PSMA1: variants seen among roughly 807,000 people sequenced by gnomAD.
PSMA1 encodes the protein proteasome 20S subunit alpha 1.
A neutral mutation model predicts 38.4 loss-of-function variants in PSMA1; 3 were observed. The observed-to-expected ratio is 0.08, with a 90% CI of 0.04 to 0.20. The LOEUF is 0.20. PSMA1 is among the 10% of genes least tolerant of loss of function. PSMA1 has a pLI of 1.00. For missense variants in PSMA1, 227 were observed against 325.3 expected, an observed-to-expected ratio of 0.70 and a Z score of 2.32; for synonymous variants, 101 against 107.1, an observed-to-expected ratio of 0.94 and a Z score of 0.35.
intron 2 of PSMA1, among the ~76,000 whole-genome samples, chr11:14,576,438 T>C (rs1407911429): frequency 6.6e-6 from 1 of 152,246 alleles, no homozygotes. Context: ...CTTTAATCCA[T>C]CTTGAATTAA....
At chr11:14,511,803 C>G (rs1851348150) in intron 7 of PSMA1, among the ~76,000 whole-genome samples, 1 of 152,100 alleles carries the variant, frequency 6.6e-6, no homozygotes, top group Non-Finnish European at 1.5e-5. Flanking sequence ...GAGGTTCCAG[C>G]CACGGCAGTT....
At chr11:14,621,751 CTCTT>C (rs1852846398) in intron 1 of PSMA1, among the ~76,000 whole-genome samples, 1 of 152,160 alleles carries the variant, frequency 6.6e-6, no homozygotes, top group Non-Finnish European at 1.5e-5. Context: ...ATATTGCAGA[CTCTT>C]TCACTTTAAA....
Position 14,583,518 on chromosome 11 carries a change from T to A in PSMA1, c.21+27448A>T, listed in dbSNP as rs561007629. ...AATGCCATAAGCCACTCTCAGCACA[T>A]CCCCAAAGCTGCTGTTGACTCTTGG... On this transcript the variant is annotated intron_variant, in intron 2 of 10. Transcript: ENST00000418988. Among the ~76,000 whole-genome samples, 7 of 152,276 alleles carry A rather than the reference T, an allele frequency of 4.6e-5. No homozygotes were observed. In the East Asian group the frequency reaches 1.4e-3, roughly 29 times the overall value.
intron 2 of PSMA1, among the ~76,000 whole-genome samples, chr11:14,532,354 C>CA (rs1208683226): frequency 6.6e-6 from 1 of 152,130 alleles, no homozygotes; most frequent in East Asian, 1.9e-4. Flanking sequence ...CCTGTAATCC[C>CA]AGCACTTTGG....
intron 2 of PSMA1, among the ~76,000 whole-genome samples, chr11:14,596,794 G>C (rs1211107125): frequency 1.3e-5 from 2 of 152,182 alleles, no homozygotes; most frequent in Non-Finnish European, 2.9e-5. Context: ...GAATAGGAGT[G>C]GTGAGAGAGG....
intron 2 of PSMA1, among the ~76,000 whole-genome samples, chr11:14,590,154 G>A (rs1178355957): frequency 1.3e-5 from 2 of 152,200 alleles, no homozygotes; most frequent in African/African-American, 2.4e-5. Flanking sequence ...CAAACTGATA[G>A]AGAAAGTAGA....
At chr11:14,606,933 A>G (rs1397680840) in intron 2 of PSMA1, among the ~76,000 whole-genome samples, 1 of 152,222 alleles carries the variant, frequency 6.6e-6, no homozygotes, top group Non-Finnish European at 1.5e-5. Context: ...ACATAGCCCC[A>G]GGCATACAGA....
chr11:14,577,322 T>C lies in PSMA1; in HGVS notation c.21+33644A>G, dbSNP rs532169332. ...AAACAATTAAGTAATCTGCTCATGG[T>C]TGCGCTGCCATTAAGTAGTGAAGGC... On this transcript the variant is annotated intron_variant, in intron 2 of 10. Transcript: ENST00000418988. Among the ~76,000 whole-genome samples the C allele has an allele frequency of 8.2e-4, 125 of 152,318 alleles. 1 individual carries two copies. Among genetic ancestry groups the C allele is most frequent in the Admixed American group, 1.3e-3 (20 of 15,296 alleles).
chr11:14,511,115 T>A, intron 7 of PSMA1, 164 bp from the exon 8 acceptor site: 1 of 418,760 alleles, frequency 2.4e-6, no homozygotes, highest in Middle Eastern at 6.4e-4. Context: ...TTTAATAGCA[T>A]TCTATGACAT....
intron 2 of PSMA1, among the ~76,000 whole-genome samples, chr11:14,608,128 G>A (rs1852664968): frequency 6.6e-6 from 1 of 152,120 alleles, no homozygotes; most frequent in South Asian, 2.1e-4. Context: ...GAGGTGGAAG[G>A]ATCACTGAGG....
intron 2 of PSMA1, among the ~76,000 whole-genome samples, chr11:14,594,427 G>T (rs10766186): frequency 0.58 from 88,765 of 151,738 alleles, 26,210 homozygotes; most frequent in Middle Eastern, 0.67. Context: ...GAAGGGGGGG[G>T]TTCAGCTTTA....
At chr11:14,599,362 C>T (rs1200752592) in intron 2 of PSMA1, among the ~76,000 whole-genome samples, 1 of 152,216 alleles carries the variant, frequency 6.6e-6, no homozygotes, top group Non-Finnish European at 1.5e-5. Context: ...CTCCCCGTCA[C>T]TTTCAAGTAC....
chr11:14,622,424 G>T (rs1852858506), intron 1 of PSMA1, among the ~76,000 whole-genome samples: 1 of 152,184 alleles, frequency 6.6e-6, no homozygotes, highest in Non-Finnish European at 1.5e-5. Flanking sequence ...TTACATTGAT[G>T]ACATTATGCT....
rs1851854248 is a variant in PSMA1 at position 14,548,724 on chromosome 11, T to C, written c.22-29683A>G. On this transcript the variant is annotated intron_variant, in intron 2 of 10. Transcript: ENST00000418988. ...CACATACATCATGTGGATAGACATA[T>C]GTAACATAGGTAACCAAGAACATAA... is the stretch of plus-strand genomic sequence containing the variant. Among the ~76,000 whole-genome samples the C allele has an allele frequency of 2.0e-5, 3 of 152,336 alleles. No homozygotes were observed. The South Asian group carries it at 6.2e-4, about 32-fold the overall frequency.
At chr11:14,589,312 G>C (rs1429581071) in intron 2 of PSMA1, among the ~76,000 whole-genome samples, 1 of 151,312 alleles carries the variant, frequency 6.6e-6, no homozygotes, top group African/African-American at 2.4e-5. Context: ...GGTAGAATTT[G>C]AGGTGCATTA....
At chr11:14,611,125 A>T (rs910642625) in exon 2 of PSMA1, 1 of 743,914 alleles carries the variant, frequency 1.3e-6, no homozygotes. Flanking sequence ...CTGACCATGA[A>T]TACATGCTTT....
chr11:14,565,549 T>A (rs879434188), intron 2 of PSMA1, among the ~76,000 whole-genome samples: 3 of 152,220 alleles, frequency 2.0e-5, no homozygotes, highest in Non-Finnish European at 4.4e-5. Flanking sequence ...CATTTTATAT[T>A]GCATAGAGAA....
chr11:14,589,399 G>GTA (rs926740667), intron 2 of PSMA1, among the ~76,000 whole-genome samples: 3 of 148,084 alleles, frequency 2.0e-5, no homozygotes, highest in Non-Finnish European at 3.0e-5. Context: ...ATATGTGTGT[G>GTA]TATATATATA....
At chr11:14,611,196 A>C (rs1468604587) in intron 1 of PSMA1, 1 of 513,226 alleles carries the variant, frequency 1.9e-6, no homozygotes, top group Admixed American at 3.7e-5. Flanking sequence ...GTTATATTAG[A>C]TCTTCATCAG....
Sources: gnomAD v4.1 joint callset for allele counts (sites outside exome capture counted in the v4.1 genomes callset) on GRCh38, gnomAD v4.1.1 for gene constraint, MANE v1.5 for transcripts, NCBI Gene and HGNC (gene_info 2026-07-23, HGNC 2026-07-21) for gene names.